The following CDCP1 variants were observed in gnomAD, a reference collection of about 807,000 sequenced individuals.
The protein encoded by CDCP1 is CUB domain containing protein 1.
In CDCP1, 29 loss-of-function variants were observed where a neutral mutation model predicts 60.2. The observed-to-expected ratio is 0.48, with a 90% confidence interval of 0.36 to 0.66. The LOEUF (loss-of-function observed/expected upper bound fraction) is 0.66, where lower values mean the gene tolerates loss of function less well. CDCP1 is among the 30% of genes least tolerant of loss of function. CDCP1 has a pLI of 0.00. For synonymous variants in CDCP1, 387 were observed against 431.1 expected, an observed-to-expected ratio of 0.90 and a Z score of 1.27; for missense variants, 876 against 1,074.3, an observed-to-expected ratio of 0.82 and a Z score of 2.58.
chr3:45,141,028 C>A (rs1473966332), intron 1 of CDCP1, among the ~76,000 whole-genome samples: 1 of 152,124 alleles, frequency 6.6e-6, no homozygotes, highest in Non-Finnish European at 1.5e-5. Flanking sequence ...TGGTGAAACC[C>A]CACCTCTACT....
Position 45,107,363 on chromosome 3 carries a change from C to T in CDCP1, c.1024+3110G>A, listed in dbSNP as rs113947971. 9.3e-3 allele frequency among the ~76,000 whole-genome samples: 1,408 copies of T among 152,100 alleles called. 12 individuals carry two copies. The highest frequency in any genetic ancestry group is 0.016 in the Non-Finnish European group (1,089 of 67,968). ...CTGGGACTACAGGTGCCTGCCACCACGCCCGGCTAATTTTTTGTATTTTTA... is the reference window on the plus strand; with the variant it reads ...CTGGGACTACAGGTGCCTGCCACCATGCCCGGCTAATTTTTTGTATTTTTA... On this transcript the variant is annotated intron_variant, in intron 4 of 8. Coordinates refer to ENST00000296129, the MANE Select transcript of CDCP1 (RefSeq NM_022842.5).
intron 1 of CDCP1, among the ~76,000 whole-genome samples, chr3:45,143,588 C>T (rs1206072234): frequency 1.3e-5 from 2 of 152,204 alleles, no homozygotes; most frequent in Non-Finnish European, 2.9e-5. Context: ...AGGCAGTTTG[C>T]TTATAGATAA....
chr3:45,106,350 G>T (rs1380104565), intron 4 of CDCP1, among the ~76,000 whole-genome samples: 2 of 152,146 alleles, frequency 1.3e-5, no homozygotes, highest in Admixed American at 6.5e-5. Context: ...AAGGTCTCCA[G>T]GCTCTGCCTT....
intron 1 of CDCP1, among the ~76,000 whole-genome samples, chr3:45,130,873 T>A (rs888260893): frequency 2.0e-5 from 3 of 152,164 alleles, no homozygotes; most frequent in Non-Finnish European, 2.9e-5. Flanking sequence ...GCTTCATTTT[T>A]TTTTTCTTTC....
chr3:45,143,153 G>A (rs1030748848), intron 1 of CDCP1, among the ~76,000 whole-genome samples: 55 of 152,178 alleles, frequency 3.6e-4, no homozygotes, highest in African/African-American at 1.1e-3. Flanking sequence ...GCAGTGAGCC[G>A]AGATCGCGCC....
chr3:45,144,821 T>C (rs774167427), intron 1 of CDCP1, among the ~76,000 whole-genome samples: 4 of 152,172 alleles, frequency 2.6e-5, no homozygotes, highest in African/African-American at 7.2e-5. Flanking sequence ...TCAAAGGGAA[T>C]CTTGGAAATT....
chr3:45,095,660 A>C (rs980058668), intron 4 of CDCP1, 92 bp from the exon 5 acceptor site: 46 of 966,288 alleles, frequency 4.8e-5, no homozygotes, highest in Middle Eastern at 3.0e-4. Context: ...CCTGAGGAAG[A>C]AAATGGCATA....
chr3:45,107,288 C>A (rs1022441421), intron 4 of CDCP1, among the ~76,000 whole-genome samples: 1 of 151,914 alleles, frequency 6.6e-6, no homozygotes. Flanking sequence ...CTCACCACAA[C>A]CTCCACCTCC....
chr3:45,106,421 G>A (rs1698566532), intron 4 of CDCP1, among the ~76,000 whole-genome samples: 1 of 152,118 alleles, frequency 6.6e-6, no homozygotes. Context: ...TGCTCTCATG[G>A]GTGCCCCACT....
intron 1 of CDCP1, among the ~76,000 whole-genome samples, chr3:45,129,788 A>C (rs1372851752): frequency 4.6e-5 from 7 of 152,322 alleles, no homozygotes; most frequent in African/African-American, 1.7e-4. Flanking sequence ...CAACCTTGCC[A>C]TCAGAGATTA....
chr3:45,110,276 A>C (rs929816885), intron 4 of CDCP1, 197 bp downstream of exon 4: 1 of 1,420,450 alleles, frequency 7.0e-7, no homozygotes, highest in Admixed American at 3.0e-5. Context: ...CTGAAATGGA[A>C]CTACATACCG....
intron 1 of CDCP1, among the ~76,000 whole-genome samples, chr3:45,119,099 G>A (rs771990396): frequency 2.0e-5 from 3 of 152,042 alleles, no homozygotes; most frequent in African/African-American, 7.2e-5. Flanking sequence ...ACACACGTAC[G>A]TACATACATA....
intron 1 of CDCP1, 115 bp downstream of exon 1, chr3:45,146,091 T>G: frequency 1.1e-6 from 1 of 903,696 alleles, no homozygotes; most frequent in Non-Finnish European, 1.6e-6. Context: ...CCGCCCTCTC[T>G]CCGCACCCTC....
intron 4 of CDCP1, chr3:45,110,214 C>A: frequency 1.5e-6 from 2 of 1,344,506 alleles, no homozygotes; most frequent in South Asian, 1.8e-5. Flanking sequence ...CCTTTCAATG[C>A]CTTCGTTAAA....
rs748696771 is a variant in CDCP1, at chr3:45,110,794, G to A, written c.703C>T (p.Leu235=). 2 of 1,614,064 alleles carry A rather than the reference G, an allele frequency of 1.2e-6. No homozygotes were observed. The highest frequency in any genetic ancestry group is 2.2e-5 in the South Asian group (2 of 91,066). ...CCTTCTGGGTAGTTGGCAGACATCA[G>A]GGTTGCTGAGCCTTCACCCTCAAAC... ...SVFEGEGSAT[L]MSANYPEGFP... Residue 235 remains leucine (L), a synonymous_variant, in exon 4 of 9, where the codon CTG becomes TTG. Transcript: ENST00000296129.
At chr3:45,113,106 AAG>A (rs1277642228) in intron 2 of CDCP1, among the ~76,000 whole-genome samples, 1 of 152,162 alleles carries the variant, frequency 6.6e-6, no homozygotes, top group Non-Finnish European at 1.5e-5. Context: ...CTCCTGTACT[AAG>A]AGAGTCACGA....
chr3:45,110,665 C>T lies in CDCP1; in HGVS notation c.832G>A (p.Glu278Lys). ...GGGATGTAGTATTCAACCCGCTCCTCCTTCCTCTCACAGTTGGAGAGGTTG... is the reference window on the plus strand; with the variant it reads ...GGGATGTAGTATTCAACCCGCTCCTTCTTCCTCTCACAGTTGGAGAGGTTG... ...NFNLSNCERKEERVEYYIPGS... is the reference protein window; with the variant it reads ...NFNLSNCERKKERVEYYIPGS... Residue 278 changes from glutamate (E) to lysine (K), a missense_variant, in exon 4 of 9, where the codon GAG becomes AAG. Glu to Lys is a moderately conservative substitution (Grantham distance 56). Coordinates refer to ENST00000296129, the MANE Select transcript of CDCP1 (RefSeq NM_022842.5). The T allele has an allele frequency of 6.2e-7, 1 of 1,614,174 alleles. No homozygotes were observed. The highest frequency in any genetic ancestry group is 8.5e-7 in the Non-Finnish European group (1 of 1,180,030).
chr3:45,095,988 T>C (rs1698390417), intron 4 of CDCP1, among the ~76,000 whole-genome samples: 1 of 152,228 alleles, frequency 6.6e-6, no homozygotes, highest in Admixed American at 6.5e-5. Flanking sequence ...GTTCTTAATG[T>C]CACTTGTAAT....
chr3:45,115,780 T>C (rs982442569), intron 2 of CDCP1, among the ~76,000 whole-genome samples: 9 of 152,178 alleles, frequency 5.9e-5, no homozygotes, highest in Non-Finnish European at 1.2e-4. Context: ...CTCGGCTCAC[T>C]GCAACCTCTG....
Sources: allele counts gnomAD v4.1 joint callset (sites outside exome capture counted in the v4.1 genomes callset), GRCh38; gene constraint gnomAD v4.1.1; transcripts MANE v1.5; gene names NCBI Gene and HGNC (gene_info 2026-07-23, HGNC 2026-07-21).